The following SLC6A6 variants were observed in gnomAD, a reference collection of about 807,000 sequenced individuals.
SLC6A6 encodes solute carrier family 6 member 6.
SLC6A6 carries 16 observed loss-of-function variants against 68.8 expected under a neutral mutation model. The ratio of observed to expected loss-of-function variants is 0.23; its 90% confidence interval spans 0.16 to 0.35. The LOEUF is 0.35. Among genes scored for constraint, SLC6A6 ranks in the 10% least tolerant of loss-of-function variants. The probability of loss-of-function intolerance (pLI) is 1.00; values close to 1 mark genes in which losing one functional copy is unlikely to be tolerated. For missense variants in SLC6A6, 474 were observed against 802.8 expected (o/e 0.59, Z 4.95); for synonymous variants, 312 against 315.4 (o/e 0.99, Z 0.12).
rs1031043943 is a variant in SLC6A6 at position 14,458,142 on chromosome 3, C to T, written c.732+60C>T. The T allele has an allele frequency of 4.6e-6, 7 of 1,505,980 alleles. No homozygotes were observed. In the East Asian group the frequency reaches 6.8e-5, roughly 15 times the overall value. 93.3% of individuals were successfully genotyped at this position (1,505,980 alleles called of 1,614,324 possible). On this transcript the variant is annotated intron_variant, in intron 6 of 14. Coordinates refer to ENST00000622186, the MANE Select transcript of SLC6A6 (RefSeq NM_003043.6). ...GAGAGCTGTGCCAGGCTGGCCCTCT[C>T]CCCCACTTCCCGCCTGCAATTAGCC...
intron 2 of SLC6A6, among the ~76,000 whole-genome samples, chr3:14,418,792 C>A (rs556257500): frequency 6.6e-6 from 1 of 152,348 alleles, no homozygotes; most frequent in African/African-American, 2.4e-5. Flanking sequence ...GCGCTGATGT[C>A]ATCCCTATTG....
At chr3:14,416,298 T>TC (rs1699362090) in intron 1 of SLC6A6, 114 bp from the exon 2 acceptor site, 3 of 397,168 alleles carry the variant, frequency 7.6e-6, no homozygotes, top group South Asian at 2.7e-4. Flanking sequence ...GGTCAGCCCC[T>TC]CCCCAGCACA....
chr3:14,485,088 T>C lies in SLC6A6; in HGVS notation c.*81T>C. 1 of 1,266,138 alleles carries C rather than the reference T, an allele frequency of 7.9e-7. No homozygotes were observed. Among genetic ancestry groups the C allele is most frequent in the Admixed American group, 2.7e-5 (1 of 36,396 alleles). 78.4% of individuals were successfully genotyped at this position (1,266,138 alleles called of 1,614,324 possible). A position where few individuals can be genotyped will look rare whatever the true frequency, so the allele number is the denominator to read the frequency against. ...CTCATAGGACCAGGTTTACAGAGCT[T>C]TATATTTGCACTAGGATTTTTTTTT... On this transcript the variant is annotated 3_prime_UTR_variant, in exon 15 of 15. Coordinates refer to ENST00000622186, the MANE Select transcript of SLC6A6 (RefSeq NM_003043.6).
intron 12 of SLC6A6, 115 bp from the exon 13 acceptor site, chr3:14,478,970 C>G: frequency 1.4e-6 from 1 of 691,256 alleles, no homozygotes; most frequent in Non-Finnish European, 2.6e-6. Context: ...CTTGTATATC[C>G]ATGGTGTGGA....
At chr3:14,444,265 A>G (rs889098565) in intron 3 of SLC6A6, 1 of 192,644 alleles carries the variant, frequency 5.2e-6, no homozygotes, top group African/African-American at 2.3e-5. Context: ...TTGCTTTTCT[A>G]ACTTTACCAA....
intron 2 of SLC6A6, among the ~76,000 whole-genome samples, chr3:14,427,805 T>C (rs536868049): frequency 6.6e-6 from 1 of 152,290 alleles, no homozygotes; most frequent in African/African-American, 2.4e-5. Context: ...CTGTGGGTTG[T>C]TGGGGTTGCT....
rs546746695 is a variant in SLC6A6 at position 14,435,922 on chromosome 3, G to A, written c.-11-7702G>A. 2.6e-5 allele frequency among the ~76,000 whole-genome samples: 4 copies of A among 152,324 alleles called. No individual in the cohort carries two copies. In the South Asian group the frequency reaches 8.3e-4, roughly 32 times the overall value. On this transcript the variant is annotated intron_variant, in intron 2 of 14. Coordinates refer to ENST00000622186, the MANE Select transcript of SLC6A6 (RefSeq NM_003043.6). Reference sequence around the variant, plus strand: ...AGAGTCCAGACTCCTCCTGTCCCCTGGTTCCCACTCTTCCCTGCGACCTCC... The same window carrying A: ...AGAGTCCAGACTCCTCCTGTCCCCTAGTTCCCACTCTTCCCTGCGACCTCC...
chr3:14,425,395 G>A lies in SLC6A6; in HGVS notation c.-12+8942G>A, dbSNP rs570251214. On this transcript the variant is annotated intron_variant, in intron 2 of 14. Transcript: ENST00000622186. ...GCACTGGGAATACAGAGCCCAAGCA[G>A]CAGAGGCAGGGAGGGCCCCTCCTCT... is the stretch of plus-strand genomic sequence containing the variant. Among the ~76,000 whole-genome samples, 67 of 152,330 alleles carry A rather than the reference G, an allele frequency of 4.4e-4. 1 individual carries two copies. The South Asian group carries it at 0.012, about 27-fold the overall frequency.
At chr3:14,457,810 G>T in intron 5 of SLC6A6, 140 bp from the exon 6 acceptor site, 1 of 713,664 alleles carries the variant, frequency 1.4e-6, no homozygotes, top group Non-Finnish European at 2.4e-6. Context: ...GGATTCCTGG[G>T]TTTGGAAAGG....
chr3:14,412,125 G>C (rs972209847), intron 1 of SLC6A6, among the ~76,000 whole-genome samples: 1 of 152,204 alleles, frequency 6.6e-6, no homozygotes, highest in Non-Finnish European at 1.5e-5. Flanking sequence ...ATCCATTGTG[G>C]AAGCGCGTGC....
At chr3:14,451,635 TC>T (rs1197710916) in intron 5 of SLC6A6, among the ~76,000 whole-genome samples, 3 of 152,160 alleles carry the variant, frequency 2.0e-5, no homozygotes, top group African/African-American at 7.2e-5. Flanking sequence ...TTTTGGACAT[TC>T]CTTAAGGAAC....
Position 14,485,010 on chromosome 3 carries a change from T to C in SLC6A6, c.*3T>C. On this transcript the variant is annotated 3_prime_UTR_variant, in exon 15 of 15. Coordinates refer to ENST00000622186, the MANE Select transcript of SLC6A6 (RefSeq NM_003043.6). ...TCATTGTGGAGACCATGATGTGAGC[T>C]CTCTCGGGTCGACGGGGCCGGCGGC... 2 of 1,600,924 alleles carry C rather than the reference T, an allele frequency of 1.2e-6. No individual in the cohort carries two copies. The highest frequency in any genetic ancestry group is 1.7e-6 in the Non-Finnish European group (2 of 1,169,916).
intron 6 of SLC6A6, among the ~76,000 whole-genome samples, chr3:14,464,001 C>T (rs762194541): frequency 2.0e-5 from 3 of 152,224 alleles, no homozygotes; most frequent in Non-Finnish European, 4.4e-5. Context: ...CAAGGGGTGG[C>T]AGAGGCAGCG....
rs536846535 is a variant in SLC6A6 at position 14,450,665 on chromosome 3, C to T, written c.599+2849C>T. 6.6e-6 allele frequency among the ~76,000 whole-genome samples: 1 copy of T among 152,324 alleles called. No homozygotes were observed. Among genetic ancestry groups the T allele is most frequent in the East Asian group, 1.9e-4 (1 of 5,174 alleles). ...GCAGGCTTAGGCAAGACCAGCACTG[C>T]CTCCTGTGACCTGCCTTCACAGCAC... On this transcript the variant is annotated intron_variant, in intron 5 of 14. Coordinates refer to ENST00000622186, the MANE Select transcript of SLC6A6 (RefSeq NM_003043.6). The surrounding 1 kb of genome is among the most constrained non-coding windows in gnomAD (Gnocchi z 4.1).
chr3:14,452,342 G>C (rs772876992), intron 5 of SLC6A6, among the ~76,000 whole-genome samples: 1 of 152,246 alleles, frequency 6.6e-6, no homozygotes, highest in Admixed American at 6.5e-5. Context: ...TGGCTTGAGT[G>C]TTTTGGAGCT....
In SLC6A6 at chr3:14,402,706, C is replaced by G. The variant is rs975362201; in HGVS notation, c.-195C>G. On this transcript the variant is annotated 5_prime_UTR_variant, in exon 1 of 15. Coordinates refer to ENST00000622186, the MANE Select transcript of SLC6A6 (RefSeq NM_003043.6). This position sits in a 1 kb window ranked among gnomAD's most constrained non-coding sequence, Gnocchi z 4.8. ...GCCGCCAACGCCGAGCCCCGAGGAC[C>G]GCAAGCCCAGAGGACAAGCTGCGCC... 2.5e-6 allele frequency: 1 copy of G among 398,222 alleles called. No individual in the cohort carries two copies. The highest frequency in any genetic ancestry group is 4.4e-6 in the Non-Finnish European group (1 of 225,794). 24.7% of individuals were successfully genotyped at this position (398,222 alleles called of 1,614,324 possible).
chr3:14,456,337 G>A (rs1010794994), intron 5 of SLC6A6, among the ~76,000 whole-genome samples: 1 of 152,260 alleles, frequency 6.6e-6, no homozygotes, highest in East Asian at 1.9e-4. Flanking sequence ...GTTAGTGGGA[G>A]TATTTCACGG....
chr3:14,430,226 G>T (rs1398477311), intron 2 of SLC6A6, among the ~76,000 whole-genome samples: 2 of 152,188 alleles, frequency 1.3e-5, no homozygotes, highest in Non-Finnish European at 2.9e-5. Flanking sequence ...TATCTAGGCA[G>T]CTGGGAGTCA....
chr3:14,435,120 A>G (rs4684218), intron 2 of SLC6A6, among the ~76,000 whole-genome samples: 39,924 of 152,094 alleles, frequency 0.26, 5,342 homozygotes, highest in Admixed American at 0.31. Context: ...GCTGGTCCCC[A>G]TCCAGAGGTC....
Sources: gnomAD v4.1 joint callset for allele counts (sites outside exome capture counted in the v4.1 genomes callset) on GRCh38, gnomAD v4.1.1 for gene constraint, Gnocchi (gnomAD v3.1) non-coding constraint, MANE v1.5 for transcripts, NCBI Gene and HGNC (gene_info 2026-07-23, HGNC 2026-07-21) for gene names.